Variants in RFC1 observed in about 807,000 individuals in gnomAD.
RFC1 encodes replication factor C subunit 1, also known as A1 140 kDa subunit.
RFC1 carries 37 observed loss-of-function variants against 137.4 expected under a neutral mutation model. The observed-to-expected ratio is 0.27, with a 90% confidence interval of 0.21 to 0.35. The LOEUF (loss-of-function observed/expected upper bound fraction) is 0.35, where lower values mean the gene tolerates loss of function less well. RFC1 is among the 10% of genes least tolerant of loss of function. The pLI, the probability that RFC1 is intolerant of heterozygous loss-of-function variation, is 1.00. For synonymous variants in RFC1, 429 were observed against 455.7 expected (o/e 0.94, Z 0.75); for missense variants, 1,205 against 1,358.5 (o/e 0.89, Z 1.78).
intron 1 of RFC1, among the ~76,000 whole-genome samples, chr4:39,364,101 AAG>A (rs1208994268): frequency 6.7e-6 from 1 of 149,524 alleles, no homozygotes; most frequent in Non-Finnish European, 1.5e-5. Context: ...AAAAAAAAAA[AAG>A]AAGAAGAAGA....
At chr4:39,311,947 C>T (rs918100929) in intron 11 of RFC1, among the ~76,000 whole-genome samples, 7 of 152,142 alleles carry the variant, frequency 4.6e-5, no homozygotes. Context: ...CCAATGTGTC[C>T]TTCTTCAAGT....
chr4:39,360,402 C>T (rs1315136409), intron 1 of RFC1, among the ~76,000 whole-genome samples: 1 of 152,094 alleles, frequency 6.6e-6, no homozygotes, highest in East Asian at 1.9e-4. Context: ...ATTTGGGAGG[C>T]TGAGGCAAGC....
In RFC1 at chr4:39,302,757, G is replaced by T. The variant is rs1738428969; in HGVS notation, c.2320C>A (p.Pro774Thr). The change falls in exon 17 of 25, where the codon CCT becomes ACT. Residue 774 changes from proline to threonine, a missense_variant. Pro to Thr is a conservative substitution (Grantham distance 38, BLOSUM62 -1). Coordinates refer to ENST00000349703, the MANE Select transcript of RFC1 (RefSeq NM_002913.5). ...HYCFDLRFQR[P>T]RVEQIKGAMM... ...CATACCTTAATCTGTTCAACCCGAG[G>T]TCTTTGAAAACGAAGATCAAAACAA... The T allele has an allele frequency of 1.3e-6, 2 of 1,596,280 alleles. No individual in the cohort carries two copies. Among genetic ancestry groups the T allele is most frequent in the Non-Finnish European group, 1.7e-6 (2 of 1,174,840 alleles).
chr4:39,310,469 G>A (rs1738912868), intron 12 of RFC1, among the ~76,000 whole-genome samples: 2 of 152,184 alleles, frequency 1.3e-5, no homozygotes, highest in East Asian at 1.9e-4. Flanking sequence ...AACCTGGATG[G>A]ACCATCTTGC....
chr4:39,342,274 C>T (rs1270006671), intron 4 of RFC1, 71 bp downstream of exon 4: 4 of 1,488,594 alleles, frequency 2.7e-6, no homozygotes, highest in Non-Finnish European at 3.6e-6. Flanking sequence ...GAAGGAGGTA[C>T]ATTTAGACAC....
chr4:39,292,168 T>C (rs1419666428), intron 22 of RFC1: 1 of 308,504 alleles, frequency 3.2e-6, no homozygotes, highest in Non-Finnish European at 6.1e-6. Flanking sequence ...TTCATAAATA[T>C]GACTCGTTCC....
intron 15 of RFC1, among the ~76,000 whole-genome samples, chr4:39,303,738 G>A (rs758996986): frequency 1.1e-4 from 16 of 152,252 alleles, no homozygotes; most frequent in Non-Finnish European, 2.2e-4. Context: ...ACAGGCGTGA[G>A]CCAACATGCC....
chr4:39,323,391 T>G lies in RFC1; in HGVS notation c.669A>C (p.Glu223Asp). The G allele has an allele frequency of 6.2e-7, 1 of 1,614,026 alleles. No individual in the cohort carries two copies. Among genetic ancestry groups the G allele is most frequent in the Non-Finnish European group, 8.5e-7 (1 of 1,179,916 alleles). The change falls in exon 7 of 25, where the codon GAA becomes GAC. Residue 223 changes from glutamate (E) to aspartate (D), a missense_variant. By Grantham distance (45) the Glu-to-Asp change is conservative. Transcript: ENST00000349703. ...AELERQLHED[E>D]EFARTLAMLD... ...ACATGGCTAATGTTCTGGCAAACTCTTCATCTTCATGCAACTGCCTCTCCA... is the reference window on the plus strand; with the variant it reads ...ACATGGCTAATGTTCTGGCAAACTCGTCATCTTCATGCAACTGCCTCTCCA...
At chr4:39,301,001 G>A (rs998888967) in intron 19 of RFC1, among the ~76,000 whole-genome samples, 2 of 151,362 alleles carry the variant, frequency 1.3e-5, no homozygotes, top group African/African-American at 4.9e-5. Context: ...CCTGAGGCAA[G>A]AGAATCACAT....
intron 12 of RFC1, among the ~76,000 whole-genome samples, chr4:39,309,771 C>T (rs1461451441): frequency 1.3e-5 from 2 of 152,166 alleles, no homozygotes; most frequent in Middle Eastern, 3.2e-3. Context: ...TGTTAATATA[C>T]TAAAAACCAC....
In RFC1 at chr4:39,363,677, C is replaced by T. The variant is rs182864608; in HGVS notation, c.3+2562G>A. Among the ~76,000 whole-genome samples, 22 of 151,662 alleles carry T rather than the reference C, an allele frequency of 1.5e-4. No individual in the cohort carries two copies. In the East Asian group the frequency reaches 2.3e-3, roughly 16 times the overall value. ...TGAGGCAGGTGGATCAACTTGAGGC[C>T]AGGAGTTCAAGACCAGCCTGGCCAA... On this transcript the variant is annotated intron_variant, in intron 1 of 24. Transcript: ENST00000349703.
chr4:39,313,460 TCAC>T (rs1265238747), intron 10 of RFC1, among the ~76,000 whole-genome samples: 2 of 152,214 alleles, frequency 1.3e-5, no homozygotes, highest in Non-Finnish European at 2.9e-5. Flanking sequence ...CTGATGCTTT[TCAC>T]CACATTAGTG....
intron 21 of RFC1, among the ~76,000 whole-genome samples, chr4:39,298,737 C>T (rs1274252858): frequency 1.3e-5 from 2 of 152,186 alleles, no homozygotes; most frequent in Non-Finnish European, 1.5e-5. Context: ...GCAAATGAAA[C>T]TTTTGATTCA....
chr4:39,349,917 T>C (rs1741099370), intron 2 of RFC1, among the ~76,000 whole-genome samples: 1 of 152,104 alleles, frequency 6.6e-6, no homozygotes, highest in African/African-American at 2.4e-5. Flanking sequence ...GGCAGGAGAA[T>C]TGCTTGAACC....
At position 39,351,373 on chromosome 4, in the gene RFC1, G is replaced by C. The variant is rs945708128; in HGVS notation, c.107C>G (p.Ala36Gly). 1 of 1,510,452 alleles carries C rather than the reference G, an allele frequency of 6.6e-7. No homozygotes were observed. Among genetic ancestry groups the C allele is most frequent in the African/African-American group, 1.5e-5 (1 of 67,342 alleles). 93.6% of individuals were successfully genotyped at this position (1,510,452 alleles called of 1,614,324 possible). A position where few individuals can be genotyped will look rare whatever the true frequency, so the allele number is the denominator to read the frequency against. The change falls in exon 2 of 25, where the codon GCA becomes GGA. Residue 36 changes from alanine (A) to glycine (G), a missense_variant. By Grantham distance (60) the Ala-to-Gly change is moderately conservative (BLOSUM62 0). This residue lies in a region of RFC1 where 962 missense variants were observed against 1,035.3 expected (regional missense o/e 0.93). Transcript: ENST00000349703. ...CTTGATTTCCTTTATTCCTTTCTTT[G>C]CTTTTAAAGTTTCTTCATCAGACTT... ...KTKSDEETLK[A>G]KKGIKEIKVN... is the part of the protein sequence containing the mutation.
Position 39,366,281 on chromosome 4 carries a change from G to A in RFC1, c.-40C>T, listed in dbSNP as rs756174463. Reference sequence around the variant, plus strand: ...GAAGGCGCTGGCTGGCTGGCGGGTGGGCCGGTTGAGGAATCTGTTATCGAG... The same window carrying A: ...GAAGGCGCTGGCTGGCTGGCGGGTGAGCCGGTTGAGGAATCTGTTATCGAG... On this transcript the variant is annotated 5_prime_UTR_variant, in exon 1 of 25. Coordinates refer to ENST00000349703, the MANE Select transcript of RFC1 (RefSeq NM_002913.5). 2 of 1,520,630 alleles carry A rather than the reference G, an allele frequency of 1.3e-6. No individual in the cohort carries two copies. Among genetic ancestry groups the A allele is most frequent in the Non-Finnish European group, 1.8e-6 (2 of 1,133,298 alleles). 94.2% of individuals were successfully genotyped at this position (1,520,630 alleles called of 1,614,324 possible).
rs148108569 is a variant in RFC1 at position 39,292,417 on chromosome 4, G to C, written c.2955-565C>G. Among the ~76,000 whole-genome samples, 234 of 152,250 alleles carry C rather than the reference G, an allele frequency of 1.5e-3. 5 individuals carry two copies. The East Asian group carries it at 0.041, about 26-fold the overall frequency. ...ATCAAAAAGTGATCCACAGTGGCCAGAGGAAGGTTTAGGGAAACAGTCTCT... is the reference window on the plus strand; with the variant it reads ...ATCAAAAAGTGATCCACAGTGGCCACAGGAAGGTTTAGGGAAACAGTCTCT... On this transcript the variant is annotated intron_variant, in intron 22 of 24. Coordinates refer to ENST00000349703, the MANE Select transcript of RFC1 (RefSeq NM_002913.5).
chr4:39,308,544 G>A, intron 13 of RFC1, 92 bp downstream of exon 13: 4 of 1,484,806 alleles, frequency 2.7e-6, no homozygotes, highest in African/African-American at 1.4e-5. Flanking sequence ...GCTGACAGAT[G>A]AATGAATCGT....
In RFC1 at chr4:39,295,869, A is replaced by C. The variant is rs1351320246; in HGVS notation, c.2809-110T>G. 11 of 945,446 alleles carry C rather than the reference A, an allele frequency of 1.2e-5. No homozygotes were observed. In the African/African-American group the frequency reaches 1.8e-4, roughly 16 times the overall value. 58.6% of individuals were successfully genotyped at this position (945,446 alleles called of 1,614,324 possible). On this transcript the variant is annotated intron_variant, in intron 21 of 24. Coordinates refer to ENST00000349703, the MANE Select transcript of RFC1 (RefSeq NM_002913.5). ...GGAAGATAAAGCAACACTGTACCAA[A>C]TACCTACCTACAGGGCAGTCAGACC...
Sources: gnomAD v4.1 joint callset for allele counts (sites outside exome capture counted in the v4.1 genomes callset) on GRCh38, gnomAD v4.1.1 for gene constraint, gnomAD v4.1.1 regional missense constraint, MANE v1.5 for transcripts, NCBI Gene and HGNC (gene_info 2026-07-23, HGNC 2026-07-21) for gene names.